The following ZC2HC1B variants were observed in gnomAD, a reference collection of about 807,000 sequenced individuals.
ZC2HC1B encodes zinc finger C2HC domain-containing protein 1B.
A neutral mutation model predicts 31.0 loss-of-function variants in ZC2HC1B; 36 were observed. The observed-to-expected ratio is 1.16, with a 90% CI of 0.89 to 1.54. ZC2HC1B has a LOEUF of 1.54. Ranked by LOEUF, ZC2HC1B falls within the 40% of genes most tolerant of loss-of-function variation. The probability of loss-of-function intolerance (pLI) is 0.00; values close to 1 mark genes in which losing one functional copy is unlikely to be tolerated. For synonymous variants in ZC2HC1B, 73 were observed against 88.0 expected, an observed-to-expected ratio of 0.83 and a Z score of 0.95; for missense variants, 260 against 268.6, an observed-to-expected ratio of 0.97 and a Z score of 0.22.
At chr6:143,929,933 A>G (rs555231930) in intron 6 of ZC2HC1B, among the ~76,000 whole-genome samples, 1 of 152,186 alleles carries the variant, frequency 6.6e-6, no homozygotes, top group Admixed American at 6.5e-5. Flanking sequence ...TATCAGTTGT[A>G]ATGTCTCCTT....
intron 6 of ZC2HC1B, among the ~76,000 whole-genome samples, chr6:143,914,672 G>A (rs1235456691): frequency 1.3e-5 from 2 of 152,042 alleles, no homozygotes; most frequent in Non-Finnish European, 2.9e-5. Flanking sequence ...AACTATTGTT[G>A]TAGAACTGTC....
rs79977199 is a variant in ZC2HC1B at position 143,903,444 on chromosome 6, C to T, written c.598+292C>T. 7.5e-3 allele frequency among the ~76,000 whole-genome samples: 1,135 copies of T among 152,250 alleles called. 13 individuals carry two copies. Among genetic ancestry groups the T allele is most frequent in the African/African-American group, 0.026 (1,078 of 41,538 alleles). On this transcript the variant is annotated intron_variant, in intron 6 of 7. Transcript: ENST00000237275. The surrounding 1 kb of genome is among the most constrained non-coding windows in gnomAD (Gnocchi z 4.3). Reference sequence around the variant, plus strand: ...TGAAGAGATTGAAAATAGGAGAAGACCACGTGTCATATGTTTGTGTTGAAA... The same window carrying T: ...TGAAGAGATTGAAAATAGGAGAAGATCACGTGTCATATGTTTGTGTTGAAA...
At chr6:143,937,513 C>G (rs1884088) in intron 6 of ZC2HC1B, 136 bp from the exon 7 acceptor site, 1 of 524,846 alleles carries the variant, frequency 1.9e-6, no homozygotes, top group Non-Finnish European at 3.2e-6. Context: ...CCCTCCCCAC[C>G]ACACTCCCCC....
At position 143,886,248 on chromosome 6, in the gene ZC2HC1B, AGTAAT is replaced by A. The variant is rs1777529572; in HGVS notation, c.210+107_210+111del. On this transcript the variant is annotated intron_variant, in intron 3 of 7. Transcript: ENST00000237275. This position sits in a 1 kb window ranked among gnomAD's most constrained non-coding sequence, Gnocchi z 4.2. The stretch of plus-strand genomic sequence containing the variant: ...TGGTTTCATTTTTGCTTGATAATAC[AGTAAT>A]GTAATGTAACTGTAATCCACCTTTA... 1 of 1,279,874 alleles carries A rather than the reference AGTAAT, an allele frequency of 7.8e-7. No individual in the cohort carries two copies. Among genetic ancestry groups the A allele is most frequent in the Non-Finnish European group, 1.0e-6 (1 of 994,368 alleles). 79.3% of individuals were successfully genotyped at this position (1,279,874 alleles called of 1,614,324 possible).
chr6:143,921,687 TG>T lies in ZC2HC1B; in HGVS notation c.599-15959del, dbSNP rs1232759831. Among the ~76,000 whole-genome samples, 2 of 152,344 alleles carry T rather than the reference TG, an allele frequency of 1.3e-5. No individual in the cohort carries two copies. Among genetic ancestry groups the T allele is most frequent in the African/African-American group, 4.8e-5 (2 of 41,592 alleles). On this transcript the variant is annotated intron_variant, in intron 6 of 7. Transcript: ENST00000237275. This position sits in a 1 kb window ranked among gnomAD's most constrained non-coding sequence, Gnocchi z 6.1. The stretch of plus-strand genomic sequence containing the variant: ...GCTCACATTTATAATCCCGGTGCTT[TG>T]GGAGGCCAAAGTCAGAGGATCACTG...
At position 143,913,630 on chromosome 6, in the gene ZC2HC1B, C is replaced by T. The variant is rs1777885763; in HGVS notation, c.598+10478C>T. On this transcript the variant is annotated intron_variant, in intron 6 of 7. Coordinates refer to ENST00000237275, the MANE Select transcript of ZC2HC1B (RefSeq NM_001013623.3). The surrounding 1 kb of genome is among the most constrained non-coding windows in gnomAD (Gnocchi z 5.7). ...GTTTCTGTGTGTGCCTGAGCAGTTG[C>T]TCTGCCAAGACTCTACCCAGTTCTA... is the stretch of plus-strand genomic sequence containing the variant. 6.6e-6 allele frequency among the ~76,000 whole-genome samples: 1 copy of T among 152,218 alleles called. No individual in the cohort carries two copies. The highest frequency in any genetic ancestry group is 2.4e-5 in the African/African-American group (1 of 41,442).
rs1034091604 is a variant in ZC2HC1B at position 143,919,221 on chromosome 6, G to C, written c.598+16069G>C. Among the ~76,000 whole-genome samples the C allele has an allele frequency of 3.2e-3, 141 of 44,686 alleles. 1 individual carries two copies. Among genetic ancestry groups the C allele is most frequent in the Middle Eastern group, 9.4e-3 (1 of 106 alleles). The allele number at this position is 44,686 out of a possible 152,430, so 29.3% of individuals were successfully genotyped here. A position where few individuals can be genotyped will look rare whatever the true frequency, so the allele number is the denominator to read the frequency against. On this transcript the variant is annotated intron_variant, in intron 6 of 7. Transcript: ENST00000237275. ...TTCTGCAGGGTTTGCTATTCTCTGTGTGTGTGTGTGTGTGTGTGTGTGTGT... is the reference window on the plus strand; with the variant it reads ...TTCTGCAGGGTTTGCTATTCTCTGTCTGTGTGTGTGTGTGTGTGTGTGTGT...
Position 143,885,948 on chromosome 6 carries a change from G to A in ZC2HC1B, c.91-84G>A. 6 of 1,390,956 alleles carry A rather than the reference G, an allele frequency of 4.3e-6. No homozygotes were observed. Among genetic ancestry groups the A allele is most frequent in the Non-Finnish European group, 5.6e-6 (6 of 1,065,908 alleles). The allele number at this position is 1,390,956 out of a possible 1,614,324, so 86.2% of individuals were successfully genotyped here. On this transcript the variant is annotated intron_variant, in intron 2 of 7. Transcript: ENST00000237275. The surrounding 1 kb of genome is among the most constrained non-coding windows in gnomAD (Gnocchi z 4.2). ...CTCTGAGGAGCAAACATAGTCCCTGGAGTGGGGGCTGTCTAGGTACACCTA... is the reference window on the plus strand; with the variant it reads ...CTCTGAGGAGCAAACATAGTCCCTGAAGTGGGGGCTGTCTAGGTACACCTA...
intron 6 of ZC2HC1B, among the ~76,000 whole-genome samples, chr6:143,931,345 T>C (rs1229416332): frequency 2.0e-5 from 3 of 152,246 alleles, no homozygotes; most frequent in Non-Finnish European, 1.5e-5. Flanking sequence ...TTATTCTTCA[T>C]GCTAGATGTT....
Position 143,887,932 on chromosome 6 carries a change from G to A in ZC2HC1B, c.349+1111G>A, listed in dbSNP as rs1777550433. Among the ~76,000 whole-genome samples the A allele has an allele frequency of 6.6e-6, 1 of 151,974 alleles. No individual in the cohort carries two copies. Among genetic ancestry groups the A allele is most frequent in the African/African-American group, 2.4e-5 (1 of 41,394 alleles). Reference sequence around the variant, plus strand: ...GTTTTTCATTTTGATGATGTCCAGTGTATCTGTTTTTTCTTTTGTTGCCTG... The same window carrying A: ...GTTTTTCATTTTGATGATGTCCAGTATATCTGTTTTTTCTTTTGTTGCCTG... On this transcript the variant is annotated intron_variant, in intron 4 of 7. Transcript: ENST00000237275. This position sits in a 1 kb window ranked among gnomAD's most constrained non-coding sequence, Gnocchi z 5.1.
chr6:143,929,870 G>T (rs554211835), intron 6 of ZC2HC1B, among the ~76,000 whole-genome samples: 4 of 152,148 alleles, frequency 2.6e-5, no homozygotes, highest in Non-Finnish European at 5.9e-5. Context: ...TTTCCAGTTT[G>T]TGAGCATATA....
In ZC2HC1B at chr6:143,886,740, A is replaced by G. The variant is rs1281874797; in HGVS notation, c.268A>G (p.Ile90Val). 6.5e-6 allele frequency: 10 copies of G among 1,548,560 alleles called. No individual in the cohort carries two copies. Among genetic ancestry groups the G allele is most frequent in the South Asian group, 1.2e-5 (1 of 83,594 alleles). The change falls in exon 4 of 8, where the codon ATC becomes GTC. Residue 90 changes from isoleucine to valine, a missense_variant. Physicochemically the swap from Ile to Val is conservative, Grantham distance 29. Transcript: ENST00000237275. This position sits in a 1 kb window ranked among gnomAD's most constrained non-coding sequence, Gnocchi z 4.2. ...RQQHEDFINAIRSAKQCMLAI... is the reference protein window; with the variant it reads ...RQQHEDFINAVRSAKQCMLAI... ...ACAACATGAAGACTTTATTAATGCA[A>G]TCCGATCAGCAAAGCAGTGTATGCT...
rs1777655222 is a variant in ZC2HC1B, at chr6:143,895,447, G to A, written c.350-3105G>A. Among the ~76,000 whole-genome samples, 1 of 152,182 alleles carries A rather than the reference G, an allele frequency of 6.6e-6. No homozygotes were observed. Among genetic ancestry groups the A allele is most frequent in the East Asian group, 1.9e-4 (1 of 5,204 alleles). ...CAAAGTGCTGGGATTACAGGCATGA[G>A]CCACTGCACCCGGCCAGTACTAAAG... On this transcript the variant is annotated intron_variant, in intron 4 of 7. Coordinates refer to ENST00000237275, the MANE Select transcript of ZC2HC1B (RefSeq NM_001013623.3). This position sits in a 1 kb window ranked among gnomAD's most constrained non-coding sequence, Gnocchi z 4.8.
At chr6:143,919,625 A>T (rs1777965199) in intron 6 of ZC2HC1B, among the ~76,000 whole-genome samples, 1 of 152,072 alleles carries the variant, frequency 6.6e-6, no homozygotes. Context: ...ATAGTTAGAG[A>T]TTCTTATTTG....
At chr6:143,906,738 C>G (rs1157419428) in intron 6 of ZC2HC1B, among the ~76,000 whole-genome samples, 1 of 132,702 alleles carries the variant, frequency 7.5e-6, no homozygotes, top group East Asian at 2.0e-4. Context: ...GCCACTGTGC[C>G]CAGCCCCTCT....
chr6:143,902,224 C>A (rs1488862749), intron 5 of ZC2HC1B, among the ~76,000 whole-genome samples: 1 of 152,128 alleles, frequency 6.6e-6, no homozygotes, highest in African/African-American at 2.4e-5. Flanking sequence ...GAAGCTTATT[C>A]AAAAATGGAA....
chr6:143,925,369 G>C (rs767141138), intron 6 of ZC2HC1B, among the ~76,000 whole-genome samples: 6 of 150,968 alleles, frequency 4.0e-5, no homozygotes, highest in Non-Finnish European at 8.9e-5. Context: ...TAGAGACGGG[G>C]TTTCACTTTG....
rs1298804533 is a variant in ZC2HC1B at position 143,872,527 on chromosome 6, A to G, written c.28+7960A>G. 3.3e-5 allele frequency among the ~76,000 whole-genome samples: 5 copies of G among 152,044 alleles called. No homozygotes were observed. Among genetic ancestry groups the G allele is most frequent in the Non-Finnish European group, 5.9e-5 (4 of 68,012 alleles). On this transcript the variant is annotated intron_variant, in intron 1 of 7. Transcript: ENST00000237275. The surrounding 1 kb of genome is among the most constrained non-coding windows in gnomAD (Gnocchi z 5.5). ...ACCTCGGGATCCAAATATTCCCACT[A>G]TATTTATTTTTTATTTTTTAAATTT...
chr6:143,900,355 ACTC>A, intron 5 of ZC2HC1B, among the ~76,000 whole-genome samples: 1 of 148,790 alleles, frequency 6.7e-6, no homozygotes, highest in Admixed American at 6.9e-5. Flanking sequence ...ATGCCATTGC[ACTC>A]CAGCCTGGGC....
Sources: allele counts gnomAD v4.1 joint callset (sites outside exome capture counted in the v4.1 genomes callset), GRCh38; gene constraint gnomAD v4.1.1; non-coding constraint Gnocchi (gnomAD v3.1); transcripts MANE v1.5; gene names NCBI Gene and HGNC (gene_info 2026-07-23, HGNC 2026-07-21).